The following LRRC42 variants were observed in gnomAD, a reference collection of about 807,000 sequenced individuals.
LRRC42 encodes leucine rich repeat containing 42.
A neutral mutation model predicts 44.3 loss-of-function variants in LRRC42; 43 were observed. The ratio of observed to expected loss-of-function variants is 0.97; its 90% CI spans 0.76 to 1.25. The LOEUF (loss-of-function observed/expected upper bound fraction) is 1.25. Ranked by LOEUF, LRRC42 falls within the 50% of genes most tolerant of loss-of-function variation. LRRC42 has a pLI of 0.00. For synonymous variants in LRRC42, 207 were observed against 195.2 expected (o/e 1.06, Z -0.50); for missense variants, 540 against 509.1 (o/e 1.06, Z -0.58).
Position 53,946,510 on chromosome 1 carries a change from A to G in LRRC42, c.-88A>G, listed in dbSNP as rs1313434786. On this transcript the variant is annotated 5_prime_UTR_variant, in exon 1 of 9. Transcript: ENST00000371370. ...CGGGCCGCGGGAGGAGGGAGCCGTC[A>G]CCGAGGAGCTGCCGCTCGCTGCCCC... 1 of 151,420 alleles carries G rather than the reference A, an allele frequency of 6.6e-6. No homozygotes were observed. The highest frequency in any genetic ancestry group is 2.0e-4 in the East Asian group (1 of 5,104). The allele number at this position is 151,420 out of a possible 1,614,324, so 9.4% of individuals were successfully genotyped here. A position where few individuals can be genotyped will look rare whatever the true frequency, so the allele number is the denominator to read the frequency against.
In LRRC42 at chr1:53,951,990, A is replaced by C. The variant is rs1344352133; in HGVS notation, c.-10A>C. ...CCCTGTGCCTTGCTTTTACAGTTGCAACCAAGGCAATGTCTTACTACCTCA... is the reference window on the plus strand; with the variant it reads ...CCCTGTGCCTTGCTTTTACAGTTGCCACCAAGGCAATGTCTTACTACCTCA... On this transcript the variant is annotated 5_prime_UTR_variant, in exon 3 of 9. Transcript: ENST00000371370. The C allele has an allele frequency of 1.2e-6, 2 of 1,608,624 alleles. No individual in the cohort carries two copies. The highest frequency in any genetic ancestry group is 2.2e-5 in the East Asian group (1 of 44,810).
At chr1:53,951,351 A>G (rs549552484) in intron 2 of LRRC42, among the ~76,000 whole-genome samples, 1 of 152,364 alleles carries the variant, frequency 6.6e-6, no homozygotes, top group African/African-American at 2.4e-5. Context: ...TAATTTACAC[A>G]TAAATGAATC....
chr1:53,954,129 G>A (rs2100920759), intron 3 of LRRC42, among the ~76,000 whole-genome samples: 1 of 152,326 alleles, frequency 6.6e-6, no homozygotes, highest in Non-Finnish European at 1.5e-5. Flanking sequence ...AAAACAGGAG[G>A]TAAGCTCGTA....
intron 3 of LRRC42, among the ~76,000 whole-genome samples, chr1:53,953,873 A>G (rs1482188057): frequency 6.6e-6 from 1 of 152,032 alleles, no homozygotes; most frequent in African/African-American, 2.4e-5. Flanking sequence ...CTGGGATTAC[A>G]GGTGCCCACC....
chr1:53,957,393 T>C (rs554533991), intron 3 of LRRC42, among the ~76,000 whole-genome samples: 1 of 152,352 alleles, frequency 6.6e-6, no homozygotes, highest in South Asian at 2.1e-4. Flanking sequence ...CTGAGATAGA[T>C]GAACCACTAG....
chr1:53,952,578 GT>G, intron 3 of LRRC42, 106 bp downstream of exon 3: 1 of 854,608 alleles, frequency 1.2e-6, no homozygotes, highest in Non-Finnish European at 1.8e-6. Context: ...TAGCACTTCA[GT>G]TTAGAACTTC....
chr1:53,964,511 T>C (rs940007409), intron 7 of LRRC42, among the ~76,000 whole-genome samples: 7 of 152,312 alleles, frequency 4.6e-5, no homozygotes, highest in African/African-American at 9.6e-5. Context: ...CCAGCTCTTA[T>C]TGACATTCTT....
In LRRC42 at chr1:53,952,506, T is replaced by C. The variant is rs79576531; in HGVS notation, c.473+34T>C. 1.1e-5 allele frequency: 17 copies of C among 1,532,822 alleles called. No individual in the cohort carries two copies. The East Asian group carries it at 3.4e-4, about 31-fold the overall frequency. 95.0% of individuals were successfully genotyped at this position (1,532,822 alleles called of 1,614,324 possible). A position where few individuals can be genotyped will look rare whatever the true frequency, so the allele number is the denominator to read the frequency against. On this transcript the variant is annotated intron_variant, in intron 3 of 8. Transcript: ENST00000371370. Reference sequence around the variant, plus strand: ...TCTGATTAGATTATTCGGTATTTTATTGGGTGTGTTAATTCTGTCAAGCTC... The same window carrying C: ...TCTGATTAGATTATTCGGTATTTTACTGGGTGTGTTAATTCTGTCAAGCTC...
Position 53,947,802 on chromosome 1 carries a change from A to T in LRRC42, c.-34A>T, listed in dbSNP as rs1654559546. On this transcript the variant is annotated 5_prime_UTR_variant, in exon 2 of 9. Transcript: ENST00000371370. ...CCTCCCCCCAGGCTTCATCCAGTGA[A>T]TACTAGAGGGATCGAACAGGTGGGT... 1 of 152,146 alleles carries T rather than the reference A, an allele frequency of 6.6e-6. No homozygotes were observed. The highest frequency in any genetic ancestry group is 2.4e-5 in the African/African-American group (1 of 41,404). 9.4% of individuals were successfully genotyped at this position (152,146 alleles called of 1,614,324 possible).
Position 53,962,129 on chromosome 1 carries a change from CTT to C in LRRC42, c.813+10_813+11del. On this transcript the variant is annotated splice_region_variant and intron_variant, in intron 6 of 8. Transcript: ENST00000371370. Reference sequence around the variant, plus strand: ...CTCTGGGACAGGGCTCAAGGTAAGACTTTTGGTTCCTTCTCTCATTTTTCTAG... The same window carrying C: ...CTCTGGGACAGGGCTCAAGGTAAGACTTGGTTCCTTCTCTCATTTTTCTAG... 1 of 1,605,284 alleles carries C rather than the reference CTT, an allele frequency of 6.2e-7. No individual in the cohort carries two copies.
In LRRC42 at chr1:53,966,307, G is replaced by A. The variant is rs747368298; in HGVS notation, c.939G>A (p.Gln313=). 1.9e-6 allele frequency: 3 copies of A among 1,613,098 alleles called. No individual in the cohort carries two copies. The highest frequency in any genetic ancestry group is 1.1e-5 in the South Asian group (1 of 91,070). ...TEGWADQIVL[Q]WERVTAEAVK... is the part of the protein sequence containing the mutation. ...CAAATATGTTTCAGATCGTTCTGCA[G>A]TGGGAGCGTGTGACTGCGGAAGCTG... Residue 313 remains glutamine (Q), a synonymous_variant, in exon 8 of 9, where the codon CAG becomes CAA. Coordinates refer to ENST00000371370, the MANE Select transcript of LRRC42 (RefSeq NM_001256409.2).
Position 53,958,190 on chromosome 1 carries a change from T to C in LRRC42, c.515T>C (p.Phe172Ser), listed in dbSNP as rs1287243490. Residue 172 changes from phenylalanine (F) to serine (S), a missense_variant, in exon 4 of 9, where the codon TTC becomes TCC. Coordinates refer to ENST00000371370, the MANE Select transcript of LRRC42 (RefSeq NM_001256409.2). ...ISEKLEEIKS[F>S]RELTCLDLSC... ...GAAAAGCTTGAGGAGATTAAGTCTTTCCGGGAGCTGACCTGCCTGGATCTT... is the reference window on the plus strand; with the variant it reads ...GAAAAGCTTGAGGAGATTAAGTCTTCCCGGGAGCTGACCTGCCTGGATCTT... 5.6e-6 allele frequency: 9 copies of C among 1,613,806 alleles called. No individual in the cohort carries two copies. Among genetic ancestry groups the C allele is most frequent in the Non-Finnish European group, 7.6e-6 (9 of 1,179,866 alleles).
chr1:53,957,900 A>T (rs2100924866), intron 3 of LRRC42, among the ~76,000 whole-genome samples: 1 of 151,202 alleles, frequency 6.6e-6, no homozygotes, highest in Non-Finnish European at 1.5e-5. Context: ...TCCTTTGCTA[A>T]TATACATTTA....
chr1:53,961,869 A>G, intron 5 of LRRC42, 165 bp from the exon 6 acceptor site: 1 of 585,440 alleles, frequency 1.7e-6, no homozygotes. Context: ...TTTATATTAC[A>G]AATAGTAAAG....
At position 53,962,353 on chromosome 1, in the gene LRRC42, G is replaced by A. The variant is rs1655020050; in HGVS notation, c.871G>A (p.Val291Met). The A allele has an allele frequency of 6.2e-7, 1 of 1,614,206 alleles. No homozygotes were observed. ...QTHIGLVHSK[V>M]PLKEFDHSNC... Reference sequence around the variant, plus strand: ...CCACATAGGCCTTGTTCACTCCAAAGTGCCTTTGAAGGAATTTGATCATAG... The same window carrying A: ...CCACATAGGCCTTGTTCACTCCAAAATGCCTTTGAAGGAATTTGATCATAG... Residue 291 changes from valine (V) to methionine (M), a missense_variant, in exon 7 of 9, where the codon GTG becomes ATG. By Grantham distance (21) the Val-to-Met change is conservative (BLOSUM62 1). Coordinates refer to ENST00000371370, the MANE Select transcript of LRRC42 (RefSeq NM_001256409.2).
intron 7 of LRRC42, among the ~76,000 whole-genome samples, chr1:53,964,999 T>G (rs1261083703): frequency 1.0e-4 from 11 of 107,644 alleles, no homozygotes; most frequent in African/African-American, 5.3e-4. Context: ...AACTGTATTG[T>G]TTTTTTTTGT....
chr1:53,966,406 T>A (rs1393910864), intron 8 of LRRC42, 26 bp downstream of exon 8: 1 of 1,562,678 alleles, frequency 6.4e-7, no homozygotes, highest in Admixed American at 1.7e-5. Context: ...TCCTTTGAAG[T>A]TTTTTGCCCT....
chr1:53,951,410 A>G (rs1338389488), intron 2 of LRRC42, among the ~76,000 whole-genome samples: 1 of 152,042 alleles, frequency 6.6e-6, no homozygotes, highest in Non-Finnish European at 1.5e-5. Context: ...TGAAGATGAG[A>G]TTTTGACCTG....
chr1:53,958,254 A>G lies in LRRC42; in HGVS notation c.579A>G (p.Glu193=), dbSNP rs751867037. 1.2e-6 allele frequency: 2 copies of G among 1,613,730 alleles called. No homozygotes were observed. The highest frequency in any genetic ancestry group is 1.7e-6 in the Non-Finnish European group (2 of 1,179,726). ...CKLGDEHELL[E]HLTNEALSSV... is the part of the protein sequence containing the mutation. ...TTGGAGATGAGCATGAACTTCTAGA[A>G]CATCTCACCAATGAAGCCCTGTCTA... is the stretch of plus-strand genomic sequence containing the variant. The change falls in exon 4 of 9, where the codon GAA becomes GAG. Residue 193 remains glutamate (E), a synonymous_variant. Transcript: ENST00000371370.
Sources: allele counts gnomAD v4.1 joint callset (sites outside exome capture counted in the v4.1 genomes callset), GRCh38; gene constraint gnomAD v4.1.1; transcripts MANE v1.5; gene names NCBI Gene and HGNC (gene_info 2026-07-23, HGNC 2026-07-21).